ANAPC2: variants seen among roughly 807,000 people sequenced by gnomAD.
ANAPC2 encodes the protein anaphase promoting complex subunit 2.
ANAPC2 carries 29 observed loss-of-function variants against 84.3 expected under a neutral mutation model. The ratio of observed to expected loss-of-function variants is 0.34; its 90% CI spans 0.26 to 0.47. ANAPC2 has a LOEUF of 0.47. Among genes scored for constraint, ANAPC2 ranks in the 20% least tolerant of loss-of-function variants. ANAPC2 has a pLI of 1.00. For missense variants in ANAPC2, 857 were observed against 1,131.7 expected, an observed-to-expected ratio of 0.76 and a Z score of 3.48; for synonymous variants, 571 against 479.4, an observed-to-expected ratio of 1.19 and a Z score of -2.50.
chr9:137,183,301 G>C, intron 5 of ANAPC2, 59 bp from the exon 6 acceptor site: 2 of 1,401,668 alleles, frequency 1.4e-6, no homozygotes, highest in South Asian at 2.4e-5. Context: ...CCTCCCAGGG[G>C]CAACACCCGA....
chr9:137,183,264 G>A, intron 5 of ANAPC2, 22 bp from the exon 6 acceptor site: 1 of 1,585,568 alleles, frequency 6.3e-7, no homozygotes, highest in East Asian at 2.2e-5. Context: ...GCAGAAGCCA[G>A]CAGTCATGCA....
Position 137,175,698 on chromosome 9 carries a change from G to C in ANAPC2, c.2020+10C>G. ...GCCGGGGCAGGCCAGCTAGGGGCTG[G>C]TGGGCTCACCTTGGTCCTGAAAATA... On this transcript the variant is annotated intron_variant, in intron 11 of 12. Coordinates refer to ENST00000323927, the MANE Select transcript of ANAPC2 (RefSeq NM_013366.4). 1 of 1,607,864 alleles carries C rather than the reference G, an allele frequency of 6.2e-7. No homozygotes were observed.
Position 137,175,058 on chromosome 9 carries a change from G to A in ANAPC2, c.2353C>T (p.Pro785Ser). 1 of 1,606,622 alleles carries A rather than the reference G, an allele frequency of 6.2e-7. No homozygotes were observed. Among genetic ancestry groups the A allele is most frequent in the Non-Finnish European group, 8.5e-7 (1 of 1,177,370 alleles). The change falls in exon 13 of 13, where the codon CCT becomes TCT. Residue 785 changes from proline to serine, a missense_variant. Pro to Ser is a moderately conservative substitution (Grantham distance 74). Coordinates refer to ENST00000323927, the MANE Select transcript of ANAPC2 (RefSeq NM_013366.4). ...NMLRMFVVTG[P>S]ALAEIDLQEL... is the part of the protein sequence containing the mutation. ...TGCAGGTCAATCTCGGCCAGTGCAGGCCCAGTCACCACAAACATGCGGAGC... is the reference window on the plus strand; with the variant it reads ...TGCAGGTCAATCTCGGCCAGTGCAGACCCAGTCACCACAAACATGCGGAGC...
intron 1 of ANAPC2, 119 bp from the exon 2 acceptor site, chr9:137,188,222 C>T (rs932904454): frequency 1.9e-5 from 27 of 1,406,886 alleles, no homozygotes; most frequent in Non-Finnish European, 2.4e-5. Context: ...CCGTGCTGCC[C>T]GGACGTTGGG....
At chr9:137,177,485 G>GGC (rs1834248523) in intron 10 of ANAPC2, among the ~76,000 whole-genome samples, 1 of 152,186 alleles carries the variant, frequency 6.6e-6, no homozygotes, top group African/African-American at 2.4e-5. Context: ...GTAGAGGAAT[G>GGC]GCGCACACTC....
At chr9:137,184,674 C>T (rs1834421425) in intron 4 of ANAPC2, among the ~76,000 whole-genome samples, 1 of 145,048 alleles carries the variant, frequency 6.9e-6, no homozygotes, top group Non-Finnish European at 1.5e-5. Context: ...ACAGGGAGCC[C>T]AGACGCAGAC....
rs746862267 is a variant in ANAPC2, at chr9:137,186,355, G to A, written c.742C>T (p.His248Tyr). 78 of 1,600,622 alleles carry A rather than the reference G, an allele frequency of 4.9e-5. No individual in the cohort carries two copies. Among genetic ancestry groups the A allele is most frequent in the Non-Finnish European group, 6.6e-5 (77 of 1,175,076 alleles). The change falls in exon 3 of 13, where the codon CAC becomes TAC. Residue 248 changes from histidine (H) to tyrosine (Y), a missense_variant and splice_region_variant. Transcript: ENST00000323927. ...EQFHQLSQVL[H>Y]RLSLLERVSA... ...ACCCGCTCCAGCAGACTGAGCCTGT[G>A]TCTAGAGGAGAGCCCTGGCCATGGG...
intron 7 of ANAPC2, 71 bp downstream of exon 7, chr9:137,181,610 G>T: frequency 7.1e-7 from 1 of 1,408,420 alleles, no homozygotes; most frequent in Non-Finnish European, 9.4e-7. Context: ...GACAAGGGAT[G>T]AGTCCAGAGC....
At chr9:137,188,176 T>C (rs1834519843) in intron 1 of ANAPC2, 73 bp from the exon 2 acceptor site, 1 of 1,535,320 alleles carries the variant, frequency 6.5e-7, no homozygotes, top group Non-Finnish European at 8.7e-7. Flanking sequence ...GGGAAGAAGC[T>C]GAGGGGGAGG....
rs769727031 is a variant in ANAPC2, at chr9:137,186,374, C to T, written c.741-18G>A. 1.9e-6 allele frequency: 3 copies of T among 1,583,558 alleles called. No individual in the cohort carries two copies. Among genetic ancestry groups the T allele is most frequent in the South Asian group, 1.1e-5 (1 of 88,072 alleles). On this transcript the variant is annotated intron_variant, in intron 2 of 12. Transcript: ENST00000323927. ...GCCTGTGTCTAGAGGAGAGCCCTGGCCATGGGGCACCCAGAGCACACACCG... is the reference window on the plus strand; with the variant it reads ...GCCTGTGTCTAGAGGAGAGCCCTGGTCATGGGGCACCCAGAGCACACACCG...
intron 7 of ANAPC2, 21 bp from the exon 8 acceptor site, chr9:137,180,950 G>T: frequency 1.2e-6 from 2 of 1,609,812 alleles, no homozygotes; most frequent in Non-Finnish European, 1.7e-6. Context: ...GGGGGCAGGG[G>T]TGTCACCTGA....
At chr9:137,186,618 TC>T in intron 2 of ANAPC2, 1 of 486,914 alleles carries the variant, frequency 2.1e-6, no homozygotes, top group Middle Eastern at 5.4e-4. Flanking sequence ...ACACTGGCCT[TC>T]CCCATGTGAT....
At position 137,180,549 on chromosome 9, in the gene ANAPC2, C is replaced by T. The variant is rs754716539; in HGVS notation, c.1611-22G>A. 2.5e-6 allele frequency: 4 copies of T among 1,612,792 alleles called. No individual in the cohort carries two copies. The South Asian group carries it at 3.3e-5, about 13-fold the overall frequency. The stretch of plus-strand genomic sequence containing the variant: ...CTCCCTGGAAAGACGAGTGTCTGGG[C>T]AGGGGGTCGTGATGAGCCCCAGCCC... On this transcript the variant is annotated intron_variant, in intron 8 of 12. Transcript: ENST00000323927.
At chr9:137,186,543 A>T in intron 2 of ANAPC2, 187 bp from the exon 3 acceptor site, 1 of 822,808 alleles carries the variant, frequency 1.2e-6, no homozygotes, top group Non-Finnish European at 1.8e-6. Flanking sequence ...TCAAGAAGCC[A>T]CTGGGAGCAC....
intron 3 of ANAPC2, 140 bp from the exon 4 acceptor site, chr9:137,185,227 T>C (rs1452670110): frequency 1.1e-6 from 1 of 900,810 alleles, no homozygotes; most frequent in African/African-American, 1.7e-5. Context: ...GTCTGGAGGC[T>C]GGAGCACATC....
Position 137,175,697 on chromosome 9 carries a change from G to A in ANAPC2, c.2020+11C>T. 1 of 1,607,650 alleles carries A rather than the reference G, an allele frequency of 6.2e-7. No homozygotes were observed. The highest frequency in any genetic ancestry group is 8.5e-7 in the Non-Finnish European group (1 of 1,176,716). On this transcript the variant is annotated intron_variant, in intron 11 of 12. Coordinates refer to ENST00000323927, the MANE Select transcript of ANAPC2 (RefSeq NM_013366.4). ...GGCCGGGGCAGGCCAGCTAGGGGCT[G>A]GTGGGCTCACCTTGGTCCTGAAAAT...
In ANAPC2 at chr9:137,180,617, G is replaced by C. The variant is rs1834323637; in HGVS notation, c.1611-90C>G. The C allele has an allele frequency of 2.8e-5, 45 of 1,586,492 alleles. No individual in the cohort carries two copies. In the South Asian group the frequency reaches 4.7e-4, roughly 16 times the overall value. ...AGGGCACGGGGGTGCCCCCCAGGCA[G>C]AGCAGGGAGCCTGTGTGGGCACCCC... On this transcript the variant is annotated intron_variant, in intron 8 of 12. Transcript: ENST00000323927.
At chr9:137,184,641 G>GCACAGGGAGCCCAGACGCAGA (rs772591279) in intron 4 of ANAPC2, among the ~76,000 whole-genome samples, 2 of 136,650 alleles carry the variant, frequency 1.5e-5, no homozygotes, top group Non-Finnish European at 3.1e-5. Context: ...CACGGTGAAG[G>GCACAGGGAGCCCAGACGCAGA]CACAGGGAGC....
In ANAPC2 at chr9:137,187,472, A is replaced by T. The variant is rs376055008; in HGVS notation, c.740+9T>A. 1.5e-5 allele frequency: 24 copies of T among 1,601,178 alleles called. 1 individual carries two copies. Among genetic ancestry groups the T allele is most frequent in the Non-Finnish European group, 1.8e-5 (21 of 1,170,652 alleles). On this transcript the variant is annotated intron_variant, in intron 2 of 12. Coordinates refer to ENST00000323927, the MANE Select transcript of ANAPC2 (RefSeq NM_013366.4). Reference sequence around the variant, plus strand: ...AGCAAGGGCATGGCCATCGGGACAGACTACTCACAAGACCTGGCTGAGCTG... The same window carrying T: ...AGCAAGGGCATGGCCATCGGGACAGTCTACTCACAAGACCTGGCTGAGCTG...
Sources: gnomAD v4.1 joint callset for allele counts (sites outside exome capture counted in the v4.1 genomes callset) on GRCh38, gnomAD v4.1.1 for gene constraint, MANE v1.5 for transcripts, NCBI Gene and HGNC (gene_info 2026-07-23, HGNC 2026-07-21) for gene names.